DACH1: variants seen among roughly 807,000 people sequenced by gnomAD.
DACH1 encodes dachshund homolog 1.
In DACH1, 12 loss-of-function variants were observed where a neutral mutation model predicts 54.2. The observed-to-expected ratio is 0.22, with a 90% CI of 0.14 to 0.36. DACH1 has a LOEUF of 0.36. Ranked by LOEUF, DACH1 falls within the 10% of genes least tolerant of loss-of-function variation. DACH1 has a pLI of 1.00. For synonymous variants in DACH1, 386 were observed against 366.2 expected, an observed-to-expected ratio of 1.05 and a Z score of -0.62; for missense variants, 805 against 929.8, an observed-to-expected ratio of 0.87 and a Z score of 1.75.
At chr13:71,658,359 G>A (rs1879276207) in intron 2 of DACH1, among the ~76,000 whole-genome samples, 1 of 152,104 alleles carries the variant, frequency 6.6e-6, no homozygotes, top group Non-Finnish European at 1.5e-5. Flanking sequence ...AGACTAGCCT[G>A]GCCAACATGG....
At chr13:71,837,054 G>A (rs1301182851) in intron 1 of DACH1, among the ~76,000 whole-genome samples, 14 of 151,840 alleles carry the variant, frequency 9.2e-5, no homozygotes, top group Non-Finnish European at 1.8e-4. Context: ...AATTCTAGTA[G>A]TAACAGGAGA....
chr13:71,788,508 T>C (rs902175120), intron 1 of DACH1, among the ~76,000 whole-genome samples: 1 of 152,066 alleles, frequency 6.6e-6, no homozygotes, highest in African/African-American at 2.4e-5. Flanking sequence ...ACTTCCAAAT[T>C]TAGAATCAAA....
intron 2 of DACH1, among the ~76,000 whole-genome samples, chr13:71,656,382 C>A (rs1432181350): frequency 1.3e-5 from 2 of 152,082 alleles, no homozygotes; most frequent in African/African-American, 4.8e-5. Flanking sequence ...CATTTTTCTT[C>A]TGCCTACTGA....
chr13:71,480,461 T>C (rs1877933487), intron 7 of DACH1, among the ~76,000 whole-genome samples: 1 of 152,204 alleles, frequency 6.6e-6, no homozygotes, highest in Non-Finnish European at 1.5e-5. Context: ...AAATTAGATA[T>C]GGAAATATGT....
intron 2 of DACH1, among the ~76,000 whole-genome samples, chr13:71,679,992 G>A (rs1464753885): frequency 1.3e-5 from 2 of 148,530 alleles, no homozygotes; most frequent in Non-Finnish European, 3.0e-5. Flanking sequence ...TTCATATGTA[G>A]TATAAAAGAT....
At chr13:71,631,596 A>G (rs1391422018) in intron 2 of DACH1, among the ~76,000 whole-genome samples, 1 of 152,234 alleles carries the variant, frequency 6.6e-6, no homozygotes, top group African/African-American at 2.4e-5. Context: ...TTTAAGTGAC[A>G]TAAAAGTAGC....
intron 1 of DACH1, among the ~76,000 whole-genome samples, chr13:71,748,142 G>A (rs534916921): frequency 1.3e-5 from 2 of 151,394 alleles, no homozygotes; most frequent in South Asian, 2.1e-4. Flanking sequence ...AGATTAACAC[G>A]TTGTGAACAT....
At chr13:71,662,562 T>C (rs1879576959) in intron 2 of DACH1, among the ~76,000 whole-genome samples, 1 of 152,030 alleles carries the variant, frequency 6.6e-6, no homozygotes, top group African/African-American at 2.4e-5. Context: ...TGAAATATGA[T>C]AAATCCCAAT....
chr13:71,681,406 A>C (rs2138701292), intron 2 of DACH1, among the ~76,000 whole-genome samples: 1 of 152,290 alleles, frequency 6.6e-6, no homozygotes, highest in Non-Finnish European at 1.5e-5. Flanking sequence ...CAATTTCTGG[A>C]ATGCTAAACA....
chr13:71,599,135 C>T lies in DACH1; in HGVS notation c.1127-26123G>A, dbSNP rs540152281. Among the ~76,000 whole-genome samples, 200 of 152,168 alleles carry T rather than the reference C, an allele frequency of 1.3e-3. 1 individual carries two copies. Among genetic ancestry groups the T allele is most frequent in the African/African-American group, 4.8e-3 (199 of 41,532 alleles). ...ATAAAATTATTATAATTTTAAGCCT[C>T]ATGCTGATGATATAAATAAAAAGAC... On this transcript the variant is annotated intron_variant, in intron 3 of 10. Transcript: ENST00000613252.
intron 3 of DACH1, among the ~76,000 whole-genome samples, chr13:71,599,940 A>G (rs1874379596): frequency 6.6e-6 from 1 of 152,010 alleles, no homozygotes; most frequent in Non-Finnish European, 1.5e-5. Context: ...GATATGAGAA[A>G]GCAGAATAAA....
chr13:71,592,518 GAAAAGAAA>G (rs1388127571), intron 3 of DACH1, among the ~76,000 whole-genome samples: 88 of 110,352 alleles, frequency 8.0e-4, no homozygotes, highest in Admixed American at 1.8e-3. Context: ...AAAAAAAAAA[GAAAAGAAA>G]AAAAGAAAAG....
At chr13:71,551,452 C>T (rs766527746) in intron 6 of DACH1, among the ~76,000 whole-genome samples, 1 of 152,110 alleles carries the variant, frequency 6.6e-6, no homozygotes, top group East Asian at 1.9e-4. Flanking sequence ...ATCCTCTCTC[C>T]TCCCCACTGT....
At chr13:71,497,737 A>T (rs1334329739) in intron 6 of DACH1, among the ~76,000 whole-genome samples, 1 of 105,960 alleles carries the variant, frequency 9.4e-6, no homozygotes, top group African/African-American at 3.2e-5. Context: ...CCTTATATGG[A>T]CTAACCCTGA....
rs78324491 is a variant in DACH1, at chr13:71,672,623, C to T, written c.964+9172G>A. Among the ~76,000 whole-genome samples the T allele has an allele frequency of 4.5e-3, 689 of 152,004 alleles. 4 individuals carry two copies. Among genetic ancestry groups the T allele is most frequent in the East Asian group, 0.024 (126 of 5,168 alleles). ...GGAAAGGCTAAAATAAATAAATAAACGAAATAAAAATAAAAAAAGTTTATC... is the reference window on the plus strand; with the variant it reads ...GGAAAGGCTAAAATAAATAAATAAATGAAATAAAAATAAAAAAAGTTTATC... On this transcript the variant is annotated intron_variant, in intron 2 of 10. Coordinates refer to ENST00000613252, the MANE Select transcript of DACH1 (RefSeq NM_080759.6).
intron 2 of DACH1, chr13:71,675,020 C>T: frequency 1.7e-6 from 1 of 591,618 alleles, no homozygotes; most frequent in East Asian, 3.0e-5. Context: ...GCTCGCCGAG[C>T]TCCAGCCGAA....
rs1033000750 is a variant in DACH1 at position 71,865,915 on chromosome 13, G to A, written c.848+7C>T. The A allele has an allele frequency of 1.9e-6, 3 of 1,593,950 alleles. No individual in the cohort carries two copies. The highest frequency in any genetic ancestry group is 8.5e-7 in the Non-Finnish European group (1 of 1,169,714). Reference sequence around the variant, plus strand: ...GCGGGCGGCGGGGGCTATCCCCCCCGACTCACCTTGCGTTGGTGCAGTCAT... The same window carrying A: ...GCGGGCGGCGGGGGCTATCCCCCCCAACTCACCTTGCGTTGGTGCAGTCAT... On this transcript the variant is annotated splice_region_variant and intron_variant, in intron 1 of 10. Coordinates refer to ENST00000613252, the MANE Select transcript of DACH1 (RefSeq NM_080759.6).
chr13:71,755,861 T>C (rs1163512992), intron 1 of DACH1, among the ~76,000 whole-genome samples: 1 of 152,194 alleles, frequency 6.6e-6, no homozygotes, highest in African/African-American at 2.4e-5. Context: ...CCATTACTTT[T>C]AAACTTATGA....
intron 10 of DACH1, among the ~76,000 whole-genome samples, chr13:71,444,911 A>T (rs1180831081): frequency 6.6e-6 from 1 of 152,096 alleles, no homozygotes. Context: ...TCCTTCAAGA[A>T]GCCTAGAATA....
Sources: allele counts gnomAD v4.1 joint callset (sites outside exome capture counted in the v4.1 genomes callset), GRCh38; gene constraint gnomAD v4.1.1; transcripts MANE v1.5; gene names NCBI Gene and HGNC (gene_info 2026-07-23, HGNC 2026-07-21).